ZNF213: variants seen among roughly 807,000 people sequenced by gnomAD.
The protein encoded by ZNF213 is zinc finger protein 213.
Under a neutral mutation model 46.0 loss-of-function variants are expected in ZNF213, and 32 were observed. The ratio of observed to expected loss-of-function variants is 0.70; its 90% CI spans 0.52 to 0.93. The LOEUF (loss-of-function observed/expected upper bound fraction) is 0.93, where lower values mean the gene tolerates loss of function less well. Ranked by LOEUF, ZNF213 falls within the 40% of genes least tolerant of loss-of-function variation. ZNF213 has a pLI of 0.00. For synonymous variants in ZNF213, 297 were observed against 271.0 expected, an observed-to-expected ratio of 1.10 and a Z score of -0.94; for missense variants, 639 against 652.8, an observed-to-expected ratio of 0.98 and a Z score of 0.23.
Position 3,138,763 on chromosome 16 carries a change from T to C in ZNF213, c.542T>C (p.Leu181Pro), listed in dbSNP as rs748197566. 2 of 1,614,152 alleles carry C rather than the reference T, an allele frequency of 1.2e-6. No individual in the cohort carries two copies. The highest frequency in any genetic ancestry group is 2.2e-5 in the South Asian group (2 of 91,076). The part of the protein sequence containing the change: ...HSHSAQPPAL[L>P]KEGRPGETTD... ...CCTTCAGCCCAGCCTCCTGCTCTTC[T>C]TAAAGAGGGTCGTCCCGGAGAGACG... Residue 181 changes from leucine to proline, a missense_variant, in exon 4 of 6, where the codon CTT becomes CCT. By Grantham distance (98) the Leu-to-Pro change is moderately conservative (BLOSUM62 -3). Coordinates refer to ENST00000396878, the MANE Select transcript of ZNF213 (RefSeq NM_004220.3).
At position 3,140,949 on chromosome 16, in the gene ZNF213, T is replaced by C. The variant is rs201445393; in HGVS notation, c.982T>C (p.Trp328Arg). 6.2e-7 allele frequency: 1 copy of C among 1,603,042 alleles called. No homozygotes were observed. The highest frequency in any genetic ancestry group is 1.7e-5 in the Admixed American group (1 of 59,154). The part of the protein sequence containing the change: ...SCGQCGKRFR[W>R]GSDLARHQRT... Reference sequence around the variant, plus strand: ...CGGGCAGTGTGGAAAGCGCTTCCGCTGGGGCTCGGACCTGGCGCGGCACCA... The same window carrying C: ...CGGGCAGTGTGGAAAGCGCTTCCGCCGGGGCTCGGACCTGGCGCGGCACCA... The change falls in exon 6 of 6, where the codon TGG (tryptophan) becomes CGG (arginine). Residue 328 changes from tryptophan (W) to arginine (R), a missense_variant. Transcript: ENST00000396878.
rs1259800446 is a variant in ZNF213 at position 3,140,973 on chromosome 16, C to G, written c.1006C>G (p.Gln336Glu). 6.2e-7 allele frequency: 1 copy of G among 1,608,546 alleles called. No individual in the cohort carries two copies. Among genetic ancestry groups the G allele is most frequent in the African/African-American group, 1.3e-5 (1 of 74,982 alleles). Residue 336 changes from glutamine (Q) to glutamate (E), a missense_variant, in exon 6 of 6, where the codon CAG (glutamine) becomes GAG (glutamate). By Grantham distance (29) the Gln-to-Glu change is conservative (BLOSUM62 2). Coordinates refer to ENST00000396878, the MANE Select transcript of ZNF213 (RefSeq NM_004220.3). The stretch of plus-strand genomic sequence containing the variant: ...CTGGGGCTCGGACCTGGCGCGGCAC[C>G]AGCGCACGCACACGGGCGAGAAGCC... ...FRWGSDLARHQRTHTGEKPHK... is the reference protein window; with the variant it reads ...FRWGSDLARHERTHTGEKPHK...
rs1957604843 is a variant in ZNF213 at position 3,141,563 on chromosome 16, T to C, written c.*216T>C. 3.7e-6 allele frequency: 2 copies of C among 546,344 alleles called. No homozygotes were observed. Among genetic ancestry groups the C allele is most frequent in the Admixed American group, 3.6e-5 (1 of 27,898 alleles). 33.8% of individuals were successfully genotyped at this position (546,344 alleles called of 1,614,324 possible). ...CCTTCCCCTCCCGCCCCCGATCTTG[T>C]CCTCTTTCCCCCTTCTGCGCCTAGC... On this transcript the variant is annotated 3_prime_UTR_variant, in exon 6 of 6. Coordinates refer to ENST00000396878, the MANE Select transcript of ZNF213 (RefSeq NM_004220.3).
intron 5 of ZNF213, 85 bp from the exon 6 acceptor site, chr16:3,140,604 C>T (rs1477347681): frequency 2.8e-6 from 4 of 1,427,552 alleles, no homozygotes; most frequent in Non-Finnish European, 3.7e-6. Flanking sequence ...GGCCAGGGAG[C>T]TTTCCCCAGC....
intron 4 of ZNF213, 58 bp from the exon 5 acceptor site, chr16:3,138,917 T>C: frequency 1.9e-6 from 3 of 1,613,856 alleles, no homozygotes; most frequent in Non-Finnish European, 2.5e-6. Flanking sequence ...ATCTGACCCA[T>C]CCTGTCCCCG....
At chr16:3,139,157 G>T (rs1596307134) in intron 5 of ZNF213, 59 bp downstream of exon 5, 1 of 1,595,664 alleles carries the variant, frequency 6.3e-7, no homozygotes, top group South Asian at 1.1e-5. Flanking sequence ...TGGAACTTCA[G>T]TCTTGTTTCC....
Position 3,137,582 on chromosome 16 carries a change from TC to T in ZNF213, c.304del (p.Gln102ArgfsTer27). 6.2e-7 allele frequency: 1 copy of T among 1,613,958 alleles called. No homozygotes were observed. The highest frequency in any genetic ancestry group is 8.5e-7 in the Non-Finnish European group (1 of 1,180,000). ...TTCCTGACAGTGCTGCCAGGGGAGATCCAGGGCTGGGTGCGTGAGCAGCACC... is the reference window on the plus strand; with the variant it reads ...TTCCTGACAGTGCTGCCAGGGGAGATCAGGGCTGGGTGCGTGAGCAGCACC... Reference protein sequence around the residue: ...EQFLTVLPGEIQGWVREQHPG... With the variant: ...EQFLTVLPGEXQGWVREQHPG... On this transcript the variant is annotated frameshift_variant, in exon 2 of 6. Coordinates refer to ENST00000396878, the MANE Select transcript of ZNF213 (RefSeq NM_004220.3). LOFTEE classifies it high-confidence loss of function.
In ZNF213 at chr16:3,137,689, C is replaced by A. The variant is rs374763486; in HGVS notation, c.399+10C>A. 6.2e-7 allele frequency: 1 copy of A among 1,611,904 alleles called. No homozygotes were observed. The highest frequency in any genetic ancestry group is 2.2e-5 in the East Asian group (1 of 44,840). ...GAAAGCCTGGCGACAGGTGAGGGGC[C>A]CTTCCACATCCAGGGGCACCTGGAT... is the stretch of plus-strand genomic sequence containing the variant. On this transcript the variant is annotated intron_variant, in intron 2 of 5. Transcript: ENST00000396878.
chr16:3,140,660 C>A, intron 5 of ZNF213, 29 bp from the exon 6 acceptor site: 1 of 1,492,560 alleles, frequency 6.7e-7, no homozygotes, highest in Non-Finnish European at 8.9e-7. Flanking sequence ...CCGCGTGGGA[C>A]TGAAGAGGTC....
At chr16:3,135,913 A>G (rs1368542801) in intron 1 of ZNF213, among the ~76,000 whole-genome samples, 1 of 142,346 alleles carries the variant, frequency 7.0e-6, no homozygotes, top group Non-Finnish European at 1.5e-5. Flanking sequence ...ATCATAGCTC[A>G]TTGCAACCTC....
chr16:3,139,274 A>C, intron 5 of ZNF213, 176 bp downstream of exon 5: 1 of 979,814 alleles, frequency 1.0e-6, no homozygotes, highest in East Asian at 2.7e-5. Flanking sequence ...TTCCACATGC[A>C]GCATGGGACG....
Position 3,137,656 on chromosome 16 carries a change from C to A in ZNF213, c.376C>A (p.Gln126Lys), listed in dbSNP as rs1003611496. The change falls in exon 2 of 6, where the codon CAG (glutamine) becomes AAG (lysine). Residue 126 changes from glutamine (Q) to lysine (K), a missense_variant. Gln to Lys is a moderately conservative substitution (Grantham distance 53). Transcript: ENST00000396878. ...AVALVEDLQK[Q>K]PVKAWRQDVP... ...CGCCTTGGTGGAGGACCTACAGAAG[C>A]AGCCAGTGAAAGCCTGGCGACAGGT... The A allele has an allele frequency of 6.8e-6, 11 of 1,613,774 alleles. No homozygotes were observed. Among genetic ancestry groups the A allele is most frequent in the Non-Finnish European group, 9.3e-6 (11 of 1,180,000 alleles).
chr16:3,138,157 C>T, intron 2 of ZNF213: 1 of 599,942 alleles, frequency 1.7e-6, no homozygotes, highest in African/African-American at 1.9e-5. Context: ...GGAGGGTCCC[C>T]AGCTACCCCC....
chr16:3,135,608 T>G (rs1957525288), intron 1 of ZNF213, among the ~76,000 whole-genome samples: 1 of 152,154 alleles, frequency 6.6e-6, no homozygotes, highest in African/African-American at 2.4e-5. Flanking sequence ...GTCTGTGCAG[T>G]AAGGTCTCAT....
chr16:3,137,450 A>G lies in ZNF213; in HGVS notation c.170A>G (p.His57Arg), dbSNP rs537954118. 7.4e-6 allele frequency: 12 copies of G among 1,613,950 alleles called. No individual in the cohort carries two copies. The South Asian group carries it at 9.9e-5, about 13-fold the overall frequency. The change falls in exon 2 of 6, where the codon CAT becomes CGT. Residue 57 changes from histidine to arginine, a missense_variant. Coordinates refer to ENST00000396878, the MANE Select transcript of ZNF213 (RefSeq NM_004220.3). ...RFRQFCYGDVHGPHEAFSQLW... is the reference protein window; with the variant it reads ...RFRQFCYGDVRGPHEAFSQLW... ...CGGCAATTCTGCTACGGGGATGTGC[A>G]TGGGCCTCATGAGGCCTTCAGCCAG...
rs114420017 is a variant in ZNF213, at chr16:3,138,808, C to G, written c.587C>G (p.Ser196Cys). Reference protein sequence around the residue: ...PGETTDTCFVSGVHGPVALGD... With the variant: ...PGETTDTCFVCGVHGPVALGD... ...GAGACGACGGACACCTGCTTTGTCT[C>G]TGGGGTCCATGTGAGTCACCAGTCC... Residue 196 changes from serine (S) to cysteine (C), a missense_variant, in exon 4 of 6, where the codon TCT becomes TGT. By Grantham distance (112) the Ser-to-Cys change is moderately radical. Transcript: ENST00000396878. The G allele has an allele frequency of 1.9e-6, 3 of 1,614,094 alleles. No homozygotes were observed. The highest frequency in any genetic ancestry group is 2.7e-5 in the African/African-American group (2 of 75,058).
rs775231451 is a variant in ZNF213 at position 3,137,638 on chromosome 16, G to A, written c.358G>A (p.Val120Met). Residue 120 changes from valine (V) to methionine (M), a missense_variant, in exon 2 of 6, where the codon GTG becomes ATG. Val to Met is a conservative substitution (Grantham distance 21). Coordinates refer to ENST00000396878, the MANE Select transcript of ZNF213 (RefSeq NM_004220.3). ...AAGCGGTGAGGAGGCTGTCGCCTTG[G>A]TGGAGGACCTACAGAAGCAGCCAGT... ...PGSGEEAVAL[V>M]EDLQKQPVKA... The A allele has an allele frequency of 3.3e-5, 54 of 1,613,718 alleles. No individual in the cohort carries two copies. Among genetic ancestry groups the A allele is most frequent in the Non-Finnish European group, 4.2e-5 (50 of 1,180,016 alleles).
Position 3,137,609 on chromosome 16 carries a change from C to G in ZNF213, c.329C>G (p.Pro110Arg). ...CAGGGCTGGGTGCGTGAGCAGCACC[C>G]GGGAAGCGGTGAGGAGGCTGTCGCC... ...EIQGWVREQH[P>R]GSGEEAVALV... Residue 110 changes from proline (P) to arginine (R), a missense_variant, in exon 2 of 6, where the codon CCG (proline) becomes CGG (arginine). Transcript: ENST00000396878. The G allele has an allele frequency of 5.6e-6, 9 of 1,613,922 alleles. No homozygotes were observed. The highest frequency in any genetic ancestry group is 7.6e-6 in the Non-Finnish European group (9 of 1,180,016).
chr16:3,137,108 T>C, intron 1 of ZNF213, 58 bp from the exon 2 acceptor site: 1 of 810,518 alleles, frequency 1.2e-6, no homozygotes, highest in Non-Finnish European at 1.9e-6. Context: ...CAGCCTGGGG[T>C]TTGCTCGTGT....
Sources: gnomAD v4.1 joint callset for allele counts (sites outside exome capture counted in the v4.1 genomes callset) on GRCh38, gnomAD v4.1.1 for gene constraint, MANE v1.5 for transcripts, NCBI Gene and HGNC (gene_info 2026-07-23, HGNC 2026-07-21) for gene names.